ATXN10: variants seen among roughly 807,000 people sequenced by gnomAD.
ATXN10 encodes the protein ataxin-10.
ATXN10 carries 28 observed loss-of-function variants against 52.9 expected under a neutral mutation model. The observed-to-expected ratio is 0.53, with a 90% CI of 0.39 to 0.73. The LOEUF (loss-of-function observed/expected upper bound fraction) is 0.73, where lower values mean the gene tolerates loss of function less well. Among genes scored for constraint, ATXN10 ranks in the 30% least tolerant of loss-of-function variants. ATXN10 has a pLI of 0.00. For synonymous variants in ATXN10, 226 were observed against 221.5 expected, an observed-to-expected ratio of 1.02 and a Z score of -0.18; for missense variants, 565 against 577.0, an observed-to-expected ratio of 0.98 and a Z score of 0.21.
rs1378997596 is a variant in ATXN10 at position 45,746,140 on chromosome 22, G to A, written c.1173+5602G>A. ...TTTTTAAATCCTAGGTTTAGGCTTC[G>A]TAGATCTGAATGCGGTTTTTTCATT... On this transcript the variant is annotated intron_variant, in intron 9 of 11. Coordinates refer to ENST00000252934, the MANE Select transcript of ATXN10 (RefSeq NM_013236.4). Among the ~76,000 whole-genome samples, 8 of 151,806 alleles carry A rather than the reference G, an allele frequency of 5.3e-5. No homozygotes were observed. The East Asian group carries it at 9.6e-4, about 18-fold the overall frequency.
Position 45,795,477 on chromosome 22 carries a change from C to T in ATXN10, c.1174-11482C>T, listed in dbSNP as rs1273258052. On this transcript the variant is annotated intron_variant, in intron 9 of 11. Coordinates refer to ENST00000252934, the MANE Select transcript of ATXN10 (RefSeq NM_013236.4). This position sits in a 1 kb window ranked among gnomAD's most constrained non-coding sequence, Gnocchi z 4.6. ...CCAGGCTGGAGTGCAGTGGCGCGAT[C>T]TCAGCTCACTGCAACCTCTGCCTAC... is the stretch of plus-strand genomic sequence containing the variant. 3.9e-5 allele frequency among the ~76,000 whole-genome samples: 6 copies of T among 151,930 alleles called. No homozygotes were observed. Among genetic ancestry groups the T allele is most frequent in the African/African-American group, 1.2e-4 (5 of 41,428 alleles).
rs1045589379 is a variant in ATXN10 at position 45,705,524 on chromosome 22, C to G, written c.647+2677C>G. ...TCTCGGCTCACTGCAACCTCCGCCT[C>G]TTGGGTTCAAGCAATTCTCTGCCTC... On this transcript the variant is annotated intron_variant, in intron 5 of 11. Transcript: ENST00000252934. This position sits in a 1 kb window ranked among gnomAD's most constrained non-coding sequence, Gnocchi z 5.2. Among the ~76,000 whole-genome samples, 3 of 152,012 alleles carry G rather than the reference C, an allele frequency of 2.0e-5. No homozygotes were observed. The highest frequency in any genetic ancestry group is 4.4e-5 in the Non-Finnish European group (3 of 68,002).
At chr22:45,793,404 G>A (rs1165344906) in intron 9 of ATXN10, 9 of 361,240 alleles carry the variant, frequency 2.5e-5, no homozygotes, top group South Asian at 1.3e-4. Context: ...ACCAGCTGAC[G>A]GAAACATCTA....
intron 10 of ATXN10, among the ~76,000 whole-genome samples, chr22:45,831,000 G>T (rs1015828449): frequency 6.6e-6 from 1 of 152,148 alleles, no homozygotes; most frequent in South Asian, 2.1e-4. Context: ...ACAAAATGTG[G>T]CCTCTACATT....
Position 45,763,875 on chromosome 22 carries a change from G to A in ATXN10, c.1173+23337G>A, listed in dbSNP as rs572639315. 3.3e-4 allele frequency among the ~76,000 whole-genome samples: 51 copies of A among 152,286 alleles called. No homozygotes were observed. The highest frequency in any genetic ancestry group is 1.2e-3 in the African/African-American group (48 of 41,574). The stretch of plus-strand genomic sequence containing the variant: ...GCTGGTGAGCATGGGCTGTCTTGAG[G>A]TGCCGGCTGTGTTAGGCTCTTACCC... On this transcript the variant is annotated intron_variant, in intron 9 of 11. Coordinates refer to ENST00000252934, the MANE Select transcript of ATXN10 (RefSeq NM_013236.4). This position sits in a 1 kb window ranked among gnomAD's most constrained non-coding sequence, Gnocchi z 6.9.
chr22:45,807,970 AAAGT>A lies in ATXN10; in HGVS notation c.1237+954_1237+957del, dbSNP rs1601659286. 2.0e-5 allele frequency among the ~76,000 whole-genome samples: 3 copies of A among 152,360 alleles called. No homozygotes were observed. The East Asian group carries it at 5.8e-4, about 29-fold the overall frequency. On this transcript the variant is annotated intron_variant, in intron 10 of 11. Transcript: ENST00000252934. Reference sequence around the variant, plus strand: ...GCAGCTGATGAAAATCATGTGTTTCAAAGTAAGTAGACTGAGCGATGCTTATTAT... The same window carrying A: ...GCAGCTGATGAAAATCATGTGTTTCAAAGTAGACTGAGCGATGCTTATTAT...
In ATXN10 at chr22:45,701,101, G is replaced by T. The variant is rs1490743367; in HGVS notation, c.488+723G>T. Among the ~76,000 whole-genome samples the T allele has an allele frequency of 6.6e-6, 1 of 152,206 alleles. No individual in the cohort carries two copies. Among genetic ancestry groups the T allele is most frequent in the African/African-American group, 2.4e-5 (1 of 41,448 alleles). On this transcript the variant is annotated intron_variant, in intron 4 of 11. Coordinates refer to ENST00000252934, the MANE Select transcript of ATXN10 (RefSeq NM_013236.4). This position sits in a 1 kb window ranked among gnomAD's most constrained non-coding sequence, Gnocchi z 4.2. ...GTGGGAGACCTGGCTTTGAATCTAG[G>T]CTTTGGTGCCAATGAATGGGGTGAC...
At chr22:45,749,101 G>A (rs1310316394) in intron 9 of ATXN10, among the ~76,000 whole-genome samples, 1 of 98,828 alleles carries the variant, frequency 1.0e-5, no homozygotes, top group Non-Finnish European at 2.5e-5. Context: ...CATTACTATT[G>A]CAAACTAACT....
chr22:45,751,221 A>G lies in ATXN10; in HGVS notation c.1173+10683A>G, dbSNP rs575135722. 5.9e-5 allele frequency among the ~76,000 whole-genome samples: 9 copies of G among 152,298 alleles called. No individual in the cohort carries two copies. In the South Asian group the frequency reaches 1.9e-3, roughly 32 times the overall value. ...GCTGGGATTACAGGTGTGAGCCACC[A>G]TGCCCAGCCTCTTTGTTCTTCTTTT... is the stretch of plus-strand genomic sequence containing the variant. On this transcript the variant is annotated intron_variant, in intron 9 of 11. Transcript: ENST00000252934.
intron 3 of ATXN10, among the ~76,000 whole-genome samples, chr22:45,699,368 G>A (rs887771697): frequency 1.4e-4 from 21 of 151,678 alleles, no homozygotes; most frequent in African/African-American, 3.4e-4. Flanking sequence ...ATGAGTTGTT[G>A]GATCAGTTGG....
At position 45,803,081 on chromosome 22, in the gene ATXN10, C is replaced by A. The variant is rs938696135; in HGVS notation, c.1174-3878C>A. ...TGTCACCAACTACTGCTATCACTCC[C>A]AGTGCTCTTTATTGAGTATTTACTG... On this transcript the variant is annotated intron_variant, in intron 9 of 11. Transcript: ENST00000252934. Among the ~76,000 whole-genome samples the A allele has an allele frequency of 4.6e-5, 7 of 152,324 alleles. No homozygotes were observed. The East Asian group carries it at 1.2e-3, about 25-fold the overall frequency.
At chr22:45,827,782 A>G (rs1021345065) in intron 10 of ATXN10, among the ~76,000 whole-genome samples, 104 of 152,346 alleles carry the variant, frequency 6.8e-4, no homozygotes, top group African/African-American at 2.4e-3. Context: ...TAGATCTAAC[A>G]GACATACACA....
At chr22:45,720,392 T>A (rs138157) in intron 6 of ATXN10, among the ~76,000 whole-genome samples, 128,900 of 151,550 alleles carry the variant, frequency 0.85, 55,270 homozygotes, top group African/African-American at 0.96. Context: ...GTGGCTGCTC[T>A]CAAGTGTGAT....
rs1198320684 is a variant in ATXN10 at position 45,770,484 on chromosome 22, G to A, written c.1173+29946G>A. Among the ~76,000 whole-genome samples the A allele has an allele frequency of 2.0e-5, 3 of 152,216 alleles. No individual in the cohort carries two copies. Among genetic ancestry groups the A allele is most frequent in the Non-Finnish European group, 4.4e-5 (3 of 68,036 alleles). ...GTGTGTTGCAACATTAGGTTGCAAT[G>A]CATATGTGTTTCTTACGATCAGATA... On this transcript the variant is annotated intron_variant, in intron 9 of 11. Transcript: ENST00000252934. This position sits in a 1 kb window ranked among gnomAD's most constrained non-coding sequence, Gnocchi z 4.5.
At chr22:45,803,776 G>T (rs1214549290) in intron 9 of ATXN10, among the ~76,000 whole-genome samples, 1 of 152,106 alleles carries the variant, frequency 6.6e-6, no homozygotes, top group Non-Finnish European at 1.5e-5. Context: ...GTAGACGTGG[G>T]GCAGGTTATC....
In ATXN10 at chr22:45,766,933, A is replaced by G. The variant is rs564568581; in HGVS notation, c.1173+26395A>G. ...CTCATAAAAAGAAAAATGCACATTA[A>G]ACTACTCACTGAGATACCATTTTTC... On this transcript the variant is annotated intron_variant, in intron 9 of 11. Coordinates refer to ENST00000252934, the MANE Select transcript of ATXN10 (RefSeq NM_013236.4). The surrounding 1 kb of genome is among the most constrained non-coding windows in gnomAD (Gnocchi z 4.6). 6.6e-6 allele frequency among the ~76,000 whole-genome samples: 1 copy of G among 152,358 alleles called. No homozygotes were observed. The highest frequency in any genetic ancestry group is 2.1e-4 in the South Asian group (1 of 4,822).
chr22:45,672,324 A>G (rs1211059204), intron 1 of ATXN10, 145 bp downstream of exon 1: 11 of 917,028 alleles, frequency 1.2e-5, no homozygotes, highest in Non-Finnish European at 1.5e-5. Flanking sequence ...AGCGCCACCC[A>G]GGCCTCCCGA....
rs984277544 is a variant in ATXN10 at position 45,775,911 on chromosome 22, C to T, written c.1174-31048C>T. Among the ~76,000 whole-genome samples the T allele has an allele frequency of 2.6e-5, 4 of 152,112 alleles. No individual in the cohort carries two copies. The highest frequency in any genetic ancestry group is 1.9e-4 in the East Asian group (1 of 5,190). ...GCTGGTGTTTGAAACCTGGAGCTCCCGGAGATTAAGTGGAGCCACCATGGG... is the reference window on the plus strand; with the variant it reads ...GCTGGTGTTTGAAACCTGGAGCTCCTGGAGATTAAGTGGAGCCACCATGGG... On this transcript the variant is annotated intron_variant, in intron 9 of 11. Transcript: ENST00000252934. The surrounding 1 kb of genome is among the most constrained non-coding windows in gnomAD (Gnocchi z 4.7).
intron 9 of ATXN10, among the ~76,000 whole-genome samples, chr22:45,792,184 T>C (rs985751440): frequency 2.0e-5 from 3 of 152,210 alleles, no homozygotes; most frequent in Non-Finnish European, 4.4e-5. Context: ...TCATAGAAAT[T>C]ATTCTGAAAG....
Sources: gnomAD v4.1 joint callset for allele counts (sites outside exome capture counted in the v4.1 genomes callset) on GRCh38, gnomAD v4.1.1 for gene constraint, Gnocchi (gnomAD v3.1) non-coding constraint, MANE v1.5 for transcripts, NCBI Gene and HGNC (gene_info 2026-07-23, HGNC 2026-07-21) for gene names.